The following SORCS1 variants were observed in gnomAD, a reference collection of about 807,000 sequenced individuals.
The protein encoded by SORCS1 is VPS10 domain-containing receptor SorCS1.
In SORCS1, 60 loss-of-function variants were observed where a neutral mutation model predicts 146.1. The observed-to-expected ratio is 0.41, with a 90% CI of 0.33 to 0.51. The LOEUF is 0.51. SORCS1 is among the 20% of genes least tolerant of loss of function. The pLI, the probability that SORCS1 is intolerant of heterozygous loss-of-function variation, is 0.21. For synonymous variants in SORCS1, 637 were observed against 584.0 expected, an observed-to-expected ratio of 1.09 and a Z score of -1.31; for missense variants, 1,352 against 1,487.6, an observed-to-expected ratio of 0.91 and a Z score of 1.50.
At chr10:107,135,744 T>C (rs1332179728) in intron 1 of SORCS1, among the ~76,000 whole-genome samples, 1 of 152,200 alleles carries the variant, frequency 6.6e-6, no homozygotes, top group African/African-American at 2.4e-5. Context: ...AAACGACATA[T>C]ATTAAATACC....
At chr10:107,020,954 T>G (rs545059454) in intron 1 of SORCS1, among the ~76,000 whole-genome samples, 1 of 152,316 alleles carries the variant, frequency 6.6e-6, no homozygotes, top group Non-Finnish European at 1.5e-5. Flanking sequence ...GTAATTAAAC[T>G]TTCTCCACTT....
At chr10:106,682,881 C>G (rs1188335666) in intron 10 of SORCS1, among the ~76,000 whole-genome samples, 1 of 152,192 alleles carries the variant, frequency 6.6e-6, no homozygotes, top group South Asian at 2.1e-4. Context: ...ACCACCAATG[C>G]CAGCAGCTGA....
At chr10:106,796,202 G>C (rs564903989) in intron 3 of SORCS1, among the ~76,000 whole-genome samples, 47 of 152,204 alleles carry the variant, frequency 3.1e-4, no homozygotes, top group African/African-American at 1.1e-3. Context: ...TGTCTGCACT[G>C]CTTCTTTGTG....
chr10:106,690,900 C>T (rs1564862306), intron 9 of SORCS1, among the ~76,000 whole-genome samples: 1 of 152,138 alleles, frequency 6.6e-6, no homozygotes, highest in Non-Finnish European at 1.5e-5. Context: ...TAGGCACGCA[C>T]AAGCCACCTT....
intron 1 of SORCS1, among the ~76,000 whole-genome samples, chr10:106,962,394 CAAA>C (rs60616146): frequency 6.4e-5 from 4 of 62,580 alleles, no homozygotes; most frequent in African/African-American, 2.0e-4. Flanking sequence ...AACTCCATCT[CAAA>C]AAAAAAAAAA....
rs1965329647 is a variant in SORCS1 at position 107,106,675 on chromosome 10, C to G, written c.558+57294G>C. Among the ~76,000 whole-genome samples the G allele has an allele frequency of 3.3e-5, 5 of 152,212 alleles. No homozygotes were observed. In the South Asian group the frequency reaches 1.0e-3, roughly 32 times the overall value. ...TTTCAATCAAATTAAAATTATCAAT[C>G]CTAGAAATATATGTGTACTATATAG... On this transcript the variant is annotated intron_variant, in intron 1 of 25. Coordinates refer to ENST00000263054, the MANE Select transcript of SORCS1 (RefSeq NM_052918.5).
At position 106,699,343 on chromosome 10, in the gene SORCS1, T is replaced by G; in HGVS notation, c.1284A>C (p.Gln428His). Residue 428 changes from glutamine to histidine, a missense_variant, in exon 9 of 26, where the codon CAA (glutamine) becomes CAC (histidine). Coordinates refer to ENST00000263054, the MANE Select transcript of SORCS1 (RefSeq NM_052918.5). ...TGTACGTGTCATTCTGGTTCCATTC[T>G]TGGACCGCTGCGAACACCTGATTCT... ...TDENQVFAAV[Q>H]EWNQNDTYNL... is the part of the protein sequence containing the mutation. 1.2e-6 allele frequency: 2 copies of G among 1,613,942 alleles called. No individual in the cohort carries two copies. Among genetic ancestry groups the G allele is most frequent in the Non-Finnish European group, 1.7e-6 (2 of 1,179,870 alleles).
intron 1 of SORCS1, among the ~76,000 whole-genome samples, chr10:107,108,584 T>C (rs370920675): frequency 1.7e-4 from 26 of 152,050 alleles, no homozygotes; most frequent in Admixed American, 1.2e-3. Context: ...ACCTCAAACA[T>C]TGGGGATTAC....
intron 1 of SORCS1, among the ~76,000 whole-genome samples, chr10:106,972,500 C>G (rs1327453937): frequency 6.6e-6 from 1 of 151,714 alleles, no homozygotes; most frequent in Non-Finnish European, 1.5e-5. Context: ...TCCTTCTCAA[C>G]TATCCTTTAC....
intron 1 of SORCS1, among the ~76,000 whole-genome samples, chr10:107,127,446 G>A (rs1966776157): frequency 6.6e-6 from 1 of 152,120 alleles, no homozygotes; most frequent in African/African-American, 2.4e-5. Context: ...TCATTGGCAT[G>A]TCTTTCTGTT....
intron 19 of SORCS1, among the ~76,000 whole-genome samples, chr10:106,625,040 C>A (rs1848005210): frequency 6.6e-6 from 1 of 152,184 alleles, no homozygotes; most frequent in Non-Finnish European, 1.5e-5. Flanking sequence ...ACAAAAGGGA[C>A]AGTAGGTGGC....
At chr10:106,587,634 C>A (rs957249630) in intron 24 of SORCS1, among the ~76,000 whole-genome samples, 2 of 152,220 alleles carry the variant, frequency 1.3e-5, no homozygotes, top group African/African-American at 4.8e-5. Context: ...TCTCTAATAT[C>A]TCTGTGATAA....
intron 5 of SORCS1, among the ~76,000 whole-genome samples, chr10:106,754,769 G>A (rs374768298): frequency 7.2e-5 from 11 of 152,130 alleles, no homozygotes; most frequent in African/African-American, 2.2e-4. Context: ...AACTCCCGGA[G>A]GGACATCCTT....
At chr10:107,078,142 G>C (rs1360055983) in intron 1 of SORCS1, among the ~76,000 whole-genome samples, 1 of 152,096 alleles carries the variant, frequency 6.6e-6, no homozygotes, top group Non-Finnish European at 1.5e-5. Flanking sequence ...ATTAAATACT[G>C]TGTAAAATAC....
intron 1 of SORCS1, among the ~76,000 whole-genome samples, chr10:107,156,350 G>A (rs1188024120): frequency 6.6e-6 from 1 of 152,190 alleles, no homozygotes; most frequent in African/African-American, 2.4e-5. Context: ...GTTTAAGCTT[G>A]ACTTCTACAG....
At chr10:106,989,660 T>C (rs576047827) in intron 1 of SORCS1, among the ~76,000 whole-genome samples, 2 of 149,524 alleles carry the variant, frequency 1.3e-5, no homozygotes, top group South Asian at 2.1e-4. Context: ...TATATACTCA[T>C]ATTTTTTCTG....
rs1851917184 is a variant in SORCS1 at position 106,674,991 on chromosome 10, A to AT, written c.1940+57dup. 1.3e-5 allele frequency: 18 copies of AT among 1,397,802 alleles called. No individual in the cohort carries two copies. The South Asian group carries it at 2.0e-4, about 16-fold the overall frequency. 86.6% of individuals were successfully genotyped at this position (1,397,802 alleles called of 1,614,324 possible). A position where few individuals can be genotyped will look rare whatever the true frequency, so the allele number is the denominator to read the frequency against. ...AATCAAACAGGCTTAGCTATAAAAC[A>AT]TTTTTGTGGATTACTCTTTTCTATG... On this transcript the variant is annotated intron_variant, in intron 14 of 25. Coordinates refer to ENST00000263054, the MANE Select transcript of SORCS1 (RefSeq NM_052918.5).
At chr10:106,809,683 T>C (rs1192292610) in intron 3 of SORCS1, among the ~76,000 whole-genome samples, 2 of 152,146 alleles carry the variant, frequency 1.3e-5, no homozygotes, top group Non-Finnish European at 2.9e-5. Flanking sequence ...TATATATATA[T>C]ATAAAAAATC....
intron 3 of SORCS1, among the ~76,000 whole-genome samples, chr10:106,794,505 T>TC (rs1037840812): frequency 4.1e-5 from 6 of 146,904 alleles, no homozygotes; most frequent in Non-Finnish European, 7.5e-5. Flanking sequence ...CTTTTTCTTT[T>TC]TTTTTTTTTT....
Sources: allele counts gnomAD v4.1 joint callset (sites outside exome capture counted in the v4.1 genomes callset), GRCh38; gene constraint gnomAD v4.1.1; transcripts MANE v1.5; gene names NCBI Gene and HGNC (gene_info 2026-07-23, HGNC 2026-07-21).